Variants in CCDC30 observed in about 807,000 individuals in gnomAD.
The protein encoded by CCDC30 is coiled-coil domain containing 30.
Under a neutral mutation model 100.2 loss-of-function variants are expected in CCDC30, and 70 were observed. The ratio of observed to expected loss-of-function variants is 0.70; its 90% CI spans 0.58 to 0.85. CCDC30 has a LOEUF of 0.85. Among genes scored for constraint, CCDC30 ranks in the 40% least tolerant of loss-of-function variants. The probability of loss-of-function intolerance (pLI) is 0.00; values close to 1 mark genes in which losing one functional copy is unlikely to be tolerated. For missense variants in CCDC30, 652 were observed against 771.2 expected (o/e 0.85, Z 1.83); for synonymous variants, 233 against 269.5 (o/e 0.86, Z 1.33).
the CCDC30 span, chr1:42,456,849 G>T: frequency 1.9e-6 from 3 of 1,613,326 alleles, no homozygotes; most frequent in Non-Finnish European, 2.5e-6. Flanking sequence ...TATGCCCACC[G>T]CTTCCCACCC....
chr1:42,640,996 C>CTG (rs1647341125), intron 12 of CCDC30, among the ~76,000 whole-genome samples: 2 of 152,122 alleles, frequency 1.3e-5, no homozygotes, highest in Admixed American at 1.3e-4. Context: ...TGTCTCATGC[C>CTG]TGTAATCCCA....
intron 6 of CCDC30, among the ~76,000 whole-genome samples, chr1:42,540,808 C>G (rs113908837): frequency 0.019 from 2,966 of 152,264 alleles, 111 homozygotes; most frequent in African/African-American, 0.067. Context: ...GTACAAGTCT[C>G]AAAATCAGGA....
At chr1:42,570,175 T>C (rs1645702783) in intron 7 of CCDC30, among the ~76,000 whole-genome samples, 1 of 151,762 alleles carries the variant, frequency 6.6e-6, no homozygotes, top group South Asian at 2.1e-4. Flanking sequence ...TAAATAAAAA[T>C]AGTGGCTTGG....
chr1:42,532,895 AGCTGGGACTACAGGC>A (rs2148515921), intron 6 of CCDC30, among the ~76,000 whole-genome samples: 1 of 152,248 alleles, frequency 6.6e-6, no homozygotes, highest in South Asian at 2.1e-4. Context: ...CCTCCCAAGT[AGCTGGGACTACAGGC>A]GCCCGCCACC....
At chr1:42,617,305 A>C (rs747989447) in intron 11 of CCDC30, among the ~76,000 whole-genome samples, 11 of 152,308 alleles carry the variant, frequency 7.2e-5, no homozygotes, top group Non-Finnish European at 1.3e-4. Flanking sequence ...GGAATAAATT[A>C]ATTTTTTTAA....
At chr1:42,520,672 A>C (rs1569894882) in intron 6 of CCDC30, among the ~76,000 whole-genome samples, 4 of 104,918 alleles carry the variant, frequency 3.8e-5, no homozygotes, top group South Asian at 3.1e-4. Flanking sequence ...ACAGAGTCTC[A>C]CTCTGTCACC....
At chr1:42,642,053 A>ATG (rs1647469591) in intron 12 of CCDC30, among the ~76,000 whole-genome samples, 1 of 151,736 alleles carries the variant, frequency 6.6e-6, no homozygotes, top group African/African-American at 2.4e-5. Context: ...GTGAAACCCC[A>ATG]TCTCTACTAA....
intron 6 of CCDC30, among the ~76,000 whole-genome samples, chr1:42,565,371 G>A (rs906782882): frequency 1.3e-5 from 2 of 152,066 alleles, no homozygotes; most frequent in Non-Finnish European, 2.9e-5. Context: ...TTTAAAAATA[G>A]GCAAAGGATG....
intron 9 of CCDC30, 118 bp downstream of exon 13, chr1:42,581,632 A>T: frequency 1.2e-6 from 1 of 849,288 alleles, no homozygotes; most frequent in Non-Finnish European, 1.8e-6. Flanking sequence ...CCACTGAAGT[A>T]AACTCAGCCA....
At chr1:42,471,445 TTG>T (rs1643768400) in intron 1 of CCDC30, among the ~76,000 whole-genome samples, 1 of 152,218 alleles carries the variant, frequency 6.6e-6, no homozygotes, top group Non-Finnish European at 1.5e-5. Context: ...AGTCTTTTCT[TTG>T]TGTGTCTGGT....
At chr1:42,568,794 T>C (rs1180581719) in intron 7 of CCDC30, among the ~76,000 whole-genome samples, 2 of 148,152 alleles carry the variant, frequency 1.3e-5, no homozygotes, top group African/African-American at 2.5e-5. Context: ...AAAAAAAGAG[T>C]TAGCCGGGCA....
chr1:42,547,084 A>G (rs1645159901), intron 6 of CCDC30, among the ~76,000 whole-genome samples: 1 of 152,202 alleles, frequency 6.6e-6, no homozygotes, highest in Non-Finnish European at 1.5e-5. Context: ...CTTTAACTTT[A>G]GAGTAAGCTT....
chr1:42,636,036 T>A (rs1015504854), intron 11 of CCDC30, among the ~76,000 whole-genome samples: 2 of 152,168 alleles, frequency 1.3e-5, no homozygotes, highest in African/African-American at 4.8e-5. Flanking sequence ...TAATGGCTAG[T>A]AATGTTAAGC....
chr1:42,656,601 A>G (rs931395499), downstream of CCDC30, among the ~76,000 whole-genome samples: 1 of 152,186 alleles, frequency 6.6e-6, no homozygotes, highest in Non-Finnish European at 1.5e-5. Context: ...ACTGTACTCC[A>G]GCCTGGGCAA....
At chr1:42,493,287 A>G (rs1326124017) in intron 4 of CCDC30, among the ~76,000 whole-genome samples, 1 of 152,126 alleles carries the variant, frequency 6.6e-6, no homozygotes, top group Non-Finnish European at 1.5e-5. Context: ...TATTAAAATA[A>G]GAGTTAGAAT....
At chr1:42,557,457 A>G (rs1259155852) in intron 6 of CCDC30, among the ~76,000 whole-genome samples, 1 of 152,090 alleles carries the variant, frequency 6.6e-6, no homozygotes, top group Non-Finnish European at 1.5e-5. Flanking sequence ...CTTGAGCAGA[A>G]GCTGAACACT....
At chr1:42,544,501 T>C (rs539512980) in intron 6 of CCDC30, among the ~76,000 whole-genome samples, 1 of 152,182 alleles carries the variant, frequency 6.6e-6, no homozygotes, top group Non-Finnish European at 1.5e-5. Context: ...GCATTTTCTT[T>C]AACAAATATT....
At chr1:42,531,860 TG>T (rs1044704276) in intron 6 of CCDC30, among the ~76,000 whole-genome samples, 51 of 152,334 alleles carry the variant, frequency 3.3e-4, no homozygotes, top group African/African-American at 1.2e-3. Context: ...ATGACTCTCC[TG>T]GGGGTTTGAC....
Position 42,568,814 on chromosome 1 carries a change from A to G in CCDC30, c.636+2339A>G, listed in dbSNP as rs1645665585. On this transcript the variant is annotated intron_variant, in intron 7 of 16. Transcript: ENST00000668663. ...AAGAGTTAGCCGGGCATGGTAGCAC[A>G]CGCCTGTAGTCCCAGCTACTCGGGA... 2.0e-5 allele frequency among the ~76,000 whole-genome samples: 3 copies of G among 151,384 alleles called. No homozygotes were observed. The South Asian group carries it at 6.3e-4, about 32-fold the overall frequency.
Sources: allele counts gnomAD v4.1 joint callset (sites outside exome capture counted in the v4.1 genomes callset), GRCh38; gene constraint gnomAD v4.1.1; transcripts MANE v1.5; gene names NCBI Gene and HGNC (gene_info 2026-07-23, HGNC 2026-07-21).